Variants in CCDC171 observed in about 807,000 individuals in gnomAD.
The protein encoded by CCDC171 is coiled-coil domain-containing protein 171.
CCDC171 carries 177 observed loss-of-function variants against 168.2 expected under a neutral mutation model. The observed-to-expected ratio is 1.05, with a 90% CI of 0.93 to 1.19. CCDC171 has a LOEUF of 1.19. CCDC171 is among the 50% of genes most tolerant of loss of function. The pLI is 0.00. For missense variants in CCDC171, 1,991 were observed against 1,539.0 expected, an observed-to-expected ratio of 1.29 and a Z score of -4.91; for synonymous variants, 687 against 540.8, an observed-to-expected ratio of 1.27 and a Z score of -3.75.
chr9:15,759,405 A>C lies in CCDC171; in HGVS notation c.2671+13774A>C, dbSNP rs1324946895. Among the ~76,000 whole-genome samples the C allele has an allele frequency of 1.3e-5, 2 of 152,142 alleles. 1 individual carries two copies. Among genetic ancestry groups the C allele is most frequent in the African/African-American group, 4.8e-5 (2 of 41,444 alleles). ...TCTGGTTATTCTCCTGTATAACCAG[A>C]ATGCAACTGTCAACATCAGGAAATC... On this transcript the variant is annotated intron_variant, in intron 18 of 25. Coordinates refer to ENST00000380701, the MANE Select transcript of CCDC171 (RefSeq NM_173550.4).
At chr9:16,015,943 A>C (rs1298863024) in intron 3 of CCDC171, among the ~76,000 whole-genome samples, 1 of 152,194 alleles carries the variant, frequency 6.6e-6, no homozygotes. Context: ...GCGTGTATCC[A>C]AATTTCATTT....
chr9:15,682,059 C>T (rs1268881959), intron 10 of CCDC171, among the ~76,000 whole-genome samples: 1 of 151,950 alleles, frequency 6.6e-6, no homozygotes, highest in East Asian at 1.9e-4. Flanking sequence ...TGTTCATGGT[C>T]ATTATTTAAA....
intron 16 of CCDC171, 29 bp from the exon 17 acceptor site, chr9:15,744,244 T>C (rs542257544): frequency 1.4e-5 from 21 of 1,523,052 alleles, no homozygotes; most frequent in Middle Eastern, 1.8e-4. Flanking sequence ...TGTTTCATGA[T>C]CAAATATATT....
intron 3 of CCDC171, among the ~76,000 whole-genome samples, chr9:16,000,180 A>T (rs1832497795): frequency 6.6e-6 from 1 of 152,190 alleles, no homozygotes; most frequent in Non-Finnish European, 1.5e-5. Context: ...CCTCATTGTG[A>T]AATCCAAAAC....
At chr9:15,612,109 C>G (rs1019511327) in intron 6 of CCDC171, among the ~76,000 whole-genome samples, 3 of 152,184 alleles carry the variant, frequency 2.0e-5, no homozygotes, top group African/African-American at 7.2e-5. Flanking sequence ...TCTTGTATTT[C>G]CCATCTTCCA....
downstream of CCDC171, among the ~76,000 whole-genome samples, chr9:16,065,568 G>A (rs189671694): frequency 3.3e-5 from 5 of 152,308 alleles, no homozygotes; most frequent in African/African-American, 7.2e-5. Context: ...AGCACAGAAC[G>A]CAGCCACAAC....
At position 15,925,331 on chromosome 9, in the gene CCDC171, C is replaced by G. The variant is rs367967054; in HGVS notation, c.3753+4909C>G. ...TCCAATGATGCAAAAGAACAGTGAT[C>G]TAGATCAGGAAAAGGGGAGTGGTGA... On this transcript the variant is annotated intron_variant, in intron 25 of 25. Coordinates refer to ENST00000380701, the MANE Select transcript of CCDC171 (RefSeq NM_173550.4). Among the ~76,000 whole-genome samples, 301 of 151,512 alleles carry G rather than the reference C, an allele frequency of 2.0e-3. 2 individuals are homozygous for G. Among genetic ancestry groups the G allele is most frequent in the African/African-American group, 6.3e-3 (260 of 41,424 alleles).
Position 15,779,163 on chromosome 9 carries a change from C to T in CCDC171, c.3081+13C>T, listed in dbSNP as rs770810757. The stretch of plus-strand genomic sequence containing the variant: ...ATTTAAGCAGTCTGTAAGTATATAT[C>T]ATTTAGGAAACTGTTGCTTTGCTGA... On this transcript the variant is annotated intron_variant, in intron 20 of 25. Transcript: ENST00000380701. 2.1e-5 allele frequency: 31 copies of T among 1,451,102 alleles called. No homozygotes were observed. Among genetic ancestry groups the T allele is most frequent in the Non-Finnish European group, 2.8e-5 (31 of 1,090,132 alleles). 89.9% of individuals were successfully genotyped at this position (1,451,102 alleles called of 1,614,324 possible). A position where few individuals can be genotyped will look rare whatever the true frequency, so the allele number is the denominator to read the frequency against.
At chr9:16,063,232 A>C (rs189166334), downstream of CCDC171, among the ~76,000 whole-genome samples, 15 of 152,296 alleles carry the variant, frequency 9.8e-5, no homozygotes, top group South Asian at 2.1e-3. Context: ...GAGTGAGCAG[A>C]AGACACCATG....
chr9:15,890,314 G>T (rs899343009), intron 24 of CCDC171, among the ~76,000 whole-genome samples: 3 of 152,116 alleles, frequency 2.0e-5, no homozygotes, highest in Non-Finnish European at 2.9e-5. Flanking sequence ...GTTCTTGCTG[G>T]GTGATTAGGA....
At chr9:15,781,972 G>C (rs2057690976) in intron 20 of CCDC171, among the ~76,000 whole-genome samples, 1 of 152,120 alleles carries the variant, frequency 6.6e-6, no homozygotes, top group Non-Finnish European at 1.5e-5. Context: ...TTTGAACTTG[G>C]TTCCTGTGGC....
At chr9:16,108,328 C>T in the CCDC171 span, among the ~76,000 whole-genome samples, 3 of 152,226 alleles carry the variant, frequency 2.0e-5, no homozygotes, top group Non-Finnish European at 4.4e-5. Context: ...CTTGCTTTTA[C>T]TTACAAAGAT....
At chr9:15,623,464 T>TACGC (rs1554714740) in intron 7 of CCDC171, 51 bp downstream of exon 7, 1 of 741,878 alleles carries the variant, frequency 1.3e-6, no homozygotes, top group African/African-American at 2.2e-5. Context: ...CTTTCACATA[T>TACGC]GCGCGCGCGC....
intron 12 of CCDC171, 96 bp from the exon 13 acceptor site, chr9:15,723,585 A>G (rs937793226): frequency 3.9e-6 from 3 of 773,904 alleles, no homozygotes; most frequent in Non-Finnish European, 6.4e-6. Flanking sequence ...CATAAAAAGC[A>G]CTTAAAGATT....
intron 7 of CCDC171, 55 bp downstream of exon 7, chr9:15,623,468 C>CGT (rs2044697631): frequency 8.1e-6 from 6 of 739,970 alleles, no homozygotes; most frequent in South Asian, 5.7e-5. Flanking sequence ...CACATATGCG[C>CGT]GCGCGCGCAC....
chr9:16,021,748 T>C (rs779249990), intron 4 of CCDC171, among the ~76,000 whole-genome samples: 87 of 152,302 alleles, frequency 5.7e-4, no homozygotes, highest in Admixed American at 7.8e-4. Flanking sequence ...AATGAAATAA[T>C]GTGAGCAAAA....
At chr9:15,643,805 T>C (rs2046824313) in intron 7 of CCDC171, among the ~76,000 whole-genome samples, 2 of 152,248 alleles carry the variant, frequency 1.3e-5, no homozygotes, top group Admixed American at 6.5e-5. Context: ...GGACAATTCT[T>C]ATCAATGAAA....
chr9:15,660,565 A>G, intron 8 of CCDC171, among the ~76,000 whole-genome samples: 1 of 152,162 alleles, frequency 6.6e-6, no homozygotes, highest in East Asian at 1.9e-4. Flanking sequence ...AAGTGAGAAC[A>G]TGTGGTATTT....
intron 3 of CCDC171, among the ~76,000 whole-genome samples, chr9:15,996,557 A>G (rs1832381013): frequency 6.6e-6 from 1 of 151,474 alleles, no homozygotes; most frequent in South Asian, 2.1e-4. Context: ...GGCACTCAAA[A>G]TGTTTTGGAT....
Sources: gnomAD v4.1 joint callset for allele counts (sites outside exome capture counted in the v4.1 genomes callset) on GRCh38, gnomAD v4.1.1 for gene constraint, MANE v1.5 for transcripts, NCBI Gene and HGNC (gene_info 2026-07-23, HGNC 2026-07-21) for gene names.